GRIK1: variants seen among roughly 807,000 people sequenced by gnomAD.
GRIK1 encodes the protein glutamate receptor ionotropic, kainate 1.
In GRIK1, 69 loss-of-function variants were observed where a neutral mutation model predicts 105.7. That is an observed-to-expected ratio of 0.65 (90% CI 0.54 to 0.80). The LOEUF (loss-of-function observed/expected upper bound fraction) is 0.80. Among genes scored for constraint, GRIK1 ranks in the 30% least tolerant of loss-of-function variants. GRIK1 has a pLI of 0.00. For missense variants in GRIK1, 1,109 were observed against 1,167.3 expected, an observed-to-expected ratio of 0.95 and a Z score of 0.73; for synonymous variants, 438 against 431.3, an observed-to-expected ratio of 1.02 and a Z score of -0.19.
At chr21:29,766,063 T>C (rs148824553) in intron 1 of GRIK1, among the ~76,000 whole-genome samples, 1 of 151,978 alleles carries the variant, frequency 6.6e-6, no homozygotes, top group Non-Finnish European at 1.5e-5. Flanking sequence ...GTTGGCCAGG[T>C]TGGTCTCGAT....
chr21:29,603,929 G>T (rs1470569590), intron 7 of GRIK1, among the ~76,000 whole-genome samples: 2 of 152,116 alleles, frequency 1.3e-5, no homozygotes, highest in Non-Finnish European at 1.5e-5. Context: ...TTTTCAGAAA[G>T]GTTTTTTCTA....
At chr21:29,889,965 C>T (rs1055219633) in intron 1 of GRIK1, among the ~76,000 whole-genome samples, 6 of 151,790 alleles carry the variant, frequency 4.0e-5, no homozygotes, top group African/African-American at 1.2e-4. Flanking sequence ...TCTGAAACAC[C>T]GATGCAACCC....
chr21:29,855,768 T>C (rs894839532), intron 1 of GRIK1, among the ~76,000 whole-genome samples: 3 of 152,148 alleles, frequency 2.0e-5, no homozygotes, highest in Admixed American at 6.5e-5. Flanking sequence ...ACAACCCAGA[T>C]GAGAGGATGG....
chr21:29,655,133 G>A (rs1172499521), intron 4 of GRIK1, among the ~76,000 whole-genome samples: 1 of 152,200 alleles, frequency 6.6e-6, no homozygotes, highest in Non-Finnish European at 1.5e-5. Flanking sequence ...TTTGGGCCAG[G>A]TGCAGTGGCA....
At chr21:29,913,130 A>G (rs1431117085) in intron 1 of GRIK1, among the ~76,000 whole-genome samples, 2 of 152,042 alleles carry the variant, frequency 1.3e-5, no homozygotes, top group Non-Finnish European at 2.9e-5. Flanking sequence ...AGTCCAAAGC[A>G]CCTGTGTTGC....
chr21:29,901,640 G>C (rs1569203842), intron 1 of GRIK1, among the ~76,000 whole-genome samples: 1 of 152,126 alleles, frequency 6.6e-6, no homozygotes, highest in Admixed American at 6.5e-5. Context: ...TTCTGAAATT[G>C]AGCCAATAAT....
At chr21:29,790,143 AG>A (rs2066372604) in intron 1 of GRIK1, among the ~76,000 whole-genome samples, 1 of 152,142 alleles carries the variant, frequency 6.6e-6, no homozygotes, top group Non-Finnish European at 1.5e-5. Context: ...TCCACCTCCC[AG>A]GTTCAAGCGA....
intron 7 of GRIK1, among the ~76,000 whole-genome samples, chr21:29,620,285 G>C (rs965698127): frequency 6.6e-6 from 1 of 152,154 alleles, no homozygotes; most frequent in Non-Finnish European, 1.5e-5. Context: ...GACGTAACAG[G>C]TATTTCTTGC....
intron 1 of GRIK1, among the ~76,000 whole-genome samples, chr21:29,847,040 T>G (rs1216055461): frequency 1.3e-5 from 2 of 152,182 alleles, no homozygotes; most frequent in East Asian, 3.9e-4. Context: ...TCTCAACACT[T>G]TATTTTACTG....
intron 1 of GRIK1, among the ~76,000 whole-genome samples, chr21:29,931,334 T>C (rs2071556854): frequency 6.6e-6 from 1 of 152,176 alleles, no homozygotes; most frequent in Non-Finnish European, 1.5e-5. Flanking sequence ...TGGTCAATAT[T>C]GGTCAGCTAT....
At chr21:29,650,502 T>C (rs2062709293) in intron 6 of GRIK1, among the ~76,000 whole-genome samples, 1 of 152,116 alleles carries the variant, frequency 6.6e-6, no homozygotes, top group South Asian at 2.1e-4. Flanking sequence ...ACAAATGATG[T>C]TAGGGAGAAG....
intron 1 of GRIK1, among the ~76,000 whole-genome samples, chr21:29,715,793 A>G (rs2064163402): frequency 6.6e-6 from 1 of 151,800 alleles, no homozygotes; most frequent in African/African-American, 2.4e-5. Flanking sequence ...TTCTAAAAAT[A>G]TAAACTGGTA....
intron 1 of GRIK1, among the ~76,000 whole-genome samples, chr21:29,744,180 C>T (rs1190353449): frequency 2.0e-5 from 3 of 152,196 alleles, no homozygotes; most frequent in Non-Finnish European, 4.4e-5. Flanking sequence ...GGGGGTCTGC[C>T]TCTTCCTGGT....
At chr21:29,931,582 G>A (rs754653580) in intron 1 of GRIK1, among the ~76,000 whole-genome samples, 24 of 152,090 alleles carry the variant, frequency 1.6e-4, no homozygotes, top group Non-Finnish European at 2.5e-4. Flanking sequence ...ATCTATATCA[G>A]TATGCACTCA....
intron 4 of GRIK1, among the ~76,000 whole-genome samples, chr21:29,671,690 G>C (rs987239858): frequency 6.6e-6 from 1 of 152,056 alleles, no homozygotes; most frequent in Non-Finnish European, 1.5e-5. Context: ...AGCAACCCCA[G>C]ACCTTTAAAC....
chr21:29,901,987 T>C (rs2070428109), intron 1 of GRIK1, among the ~76,000 whole-genome samples: 1 of 152,218 alleles, frequency 6.6e-6, no homozygotes, highest in Non-Finnish European at 1.5e-5. Flanking sequence ...CAAGGCTGGT[T>C]CAACATACAC....
chr21:29,707,215 T>G (rs1446662087), intron 1 of GRIK1, among the ~76,000 whole-genome samples: 4 of 152,156 alleles, frequency 2.6e-5, no homozygotes, highest in Non-Finnish European at 2.9e-5. Context: ...GAGACATTTT[T>G]TATTCTAAAT....
chr21:29,558,218 G>C (rs2146141900), intron 15 of GRIK1, among the ~76,000 whole-genome samples: 1 of 152,202 alleles, frequency 6.6e-6, no homozygotes, highest in Admixed American at 6.5e-5. Flanking sequence ...GCAGCCATAA[G>C]GGAGTTAGTC....
At chr21:29,582,316 A>G in intron 12 of GRIK1, 1 of 469,426 alleles carries the variant, frequency 2.1e-6, no homozygotes, top group South Asian at 1.6e-5. Flanking sequence ...TTTCAGAACC[A>G]TGGCCTGTGG....
Sources: allele counts gnomAD v4.1 joint callset (sites outside exome capture counted in the v4.1 genomes callset), GRCh38; gene constraint gnomAD v4.1.1; transcripts MANE v1.5; gene names NCBI Gene and HGNC (gene_info 2026-07-23, HGNC 2026-07-21).